SNX1: variants seen among roughly 807,000 people sequenced by gnomAD.
SNX1 encodes the protein sorting nexin-1.
Under a neutral mutation model 71.8 loss-of-function variants are expected in SNX1, and 36 were observed. That is an observed-to-expected ratio of 0.50 (90% CI 0.38 to 0.66). The LOEUF (loss-of-function observed/expected upper bound fraction) is 0.66. SNX1 is among the 30% of genes least tolerant of loss of function. The pLI, the probability that SNX1 is intolerant of heterozygous loss-of-function variation, is 0.00. For missense variants in SNX1, 612 were observed against 646.7 expected, an observed-to-expected ratio of 0.95 and a Z score of 0.58; for synonymous variants, 254 against 240.7, an observed-to-expected ratio of 1.06 and a Z score of -0.51.
chr15:64,118,140 G>C lies in SNX1; in HGVS notation c.295G>C (p.Asp99His). ...AGATGCCACAGTGGAGCTATCCTTG[G>C]ACAGCACACAAAATAATCAGAAGAA... ...FADATVELSL[D>H]STQNNQKKVL... The change falls in exon 3 of 15, where the codon GAC (aspartate) becomes CAC (histidine). Residue 99 changes from aspartate to histidine, a missense_variant. By Grantham distance (81) the Asp-to-His change is moderately conservative. This residue lies in a region of SNX1 where 316 missense variants were observed against 284.9 expected (regional missense o/e 1.11). Transcript: ENST00000559844. 6.2e-7 allele frequency: 1 copy of C among 1,612,690 alleles called. No homozygotes were observed. The highest frequency in any genetic ancestry group is 8.5e-7 in the Non-Finnish European group (1 of 1,179,658).
At chr15:64,100,604 CAAAAAAAAAAA>C (rs34663775) in intron 1 of SNX1, among the ~76,000 whole-genome samples, 1 of 102,590 alleles carries the variant, frequency 9.7e-6, no homozygotes, top group Non-Finnish European at 1.7e-5. Context: ...AACTCCATCT[CAAAAAAAAAAA>C]AAAAAAAAAA....
At position 64,137,619 on chromosome 15, in the gene SNX1, T is replaced by C; in HGVS notation, c.*1T>C. On this transcript the variant is annotated 3_prime_UTR_variant, in exon 15 of 15. Transcript: ENST00000559844. The stretch of plus-strand genomic sequence containing the variant: ...TCCTGAGGCAAAGGCCATCTCCTAA[T>C]GGACCAAGGACCCCAGAGCCCACCT... The C allele has an allele frequency of 6.2e-7, 1 of 1,614,194 alleles. No individual in the cohort carries two copies.
chr15:64,130,858 C>A (rs1486417200), intron 10 of SNX1, among the ~76,000 whole-genome samples: 1 of 152,238 alleles, frequency 6.6e-6, no homozygotes, highest in Non-Finnish European at 1.5e-5. Context: ...AAAGTATAAT[C>A]TGGCCCATGG....
In SNX1 at chr15:64,138,293, T is replaced by G; in HGVS notation, c.*675T>G. ...GAGCAAAATCTATTAAAACCTATTC[T>G]CCTGCAAAGGAGGCAGAGACTTTCT... is the stretch of plus-strand genomic sequence containing the variant. On this transcript the variant is annotated 3_prime_UTR_variant, in exon 15 of 15. Coordinates refer to ENST00000559844, the MANE Select transcript of SNX1 (RefSeq NM_003099.5). The G allele has an allele frequency of 9.2e-6, 10 of 1,087,246 alleles. No individual in the cohort carries two copies. Among genetic ancestry groups the G allele is most frequent in the African/African-American group, 1.6e-5 (1 of 60,820 alleles). 67.3% of individuals were successfully genotyped at this position (1,087,246 alleles called of 1,614,324 possible).
intron 1 of SNX1, among the ~76,000 whole-genome samples, chr15:64,100,627 GAGACTCAAAAAAA>G (rs1567315010): frequency 9.0e-6 from 1 of 111,576 alleles, no homozygotes. Flanking sequence ...AAAAAAAAAA[GAGACTCAAAAAAA>G]TTACTGAAAT....
chr15:64,115,519 T>C (rs1389324831), intron 2 of SNX1: 9 of 403,468 alleles, frequency 2.2e-5, no homozygotes, highest in Non-Finnish European at 3.8e-5. Flanking sequence ...TTTGGCATCT[T>C]TGTCACATGA....
intron 1 of SNX1, among the ~76,000 whole-genome samples, chr15:64,109,093 A>T (rs896801813): frequency 1.3e-5 from 2 of 149,284 alleles, no homozygotes; most frequent in Non-Finnish European, 3.0e-5. Flanking sequence ...GACCTAGGGT[A>T]GGCGCAGTGG....
In SNX1 at chr15:64,130,284, G is replaced by T; in HGVS notation, c.978G>T (p.Leu326=). ...GTGAGGAGCAGCGCTTACGGAAACT[G>T]CATGCTGTTGTAGAAACTCTAGTCA... ...VECEEQRLRK[L]HAVVETLVNH... The change falls in exon 10 of 15, where the codon CTG becomes CTT. Residue 326 remains leucine (L), a synonymous_variant. Transcript: ENST00000559844. 1 of 1,614,118 alleles carries T rather than the reference G, an allele frequency of 6.2e-7. No individual in the cohort carries two copies. Among genetic ancestry groups the T allele is most frequent in the Non-Finnish European group, 8.5e-7 (1 of 1,179,986 alleles).
chr15:64,132,895 A>G (rs147800028), intron 11 of SNX1, among the ~76,000 whole-genome samples: 116 of 152,308 alleles, frequency 7.6e-4, no homozygotes, highest in African/African-American at 2.6e-3. Flanking sequence ...TCTACCTGCT[A>G]TGTAATTCTT....
At chr15:64,100,163 A>G (rs531555484) in intron 1 of SNX1, among the ~76,000 whole-genome samples, 1 of 152,232 alleles carries the variant, frequency 6.6e-6, no homozygotes, top group South Asian at 2.1e-4. Context: ...GGGCATTGAT[A>G]CAACTGCTGC....
rs1567338652 is a variant in SNX1 at position 64,143,032 on chromosome 15, C to T, written c.*5414C>T. The T allele has an allele frequency of 5.1e-6, 1 of 194,190 alleles. No homozygotes were observed. The highest frequency in any genetic ancestry group is 1.1e-5 in the Non-Finnish European group (1 of 93,654). The allele number at this position is 194,190 out of a possible 1,614,324, so 12.0% of individuals were successfully genotyped here. A position where few individuals can be genotyped will look rare whatever the true frequency, so the allele number is the denominator to read the frequency against. On this transcript the variant is annotated 3_prime_UTR_variant, in exon 15 of 15. Transcript: ENST00000559844. ...GTCTTTTGCCGAGCACACTCAGGGC[C>T]CACGGGAAGCCCATAGACTTCAAGG...
At position 64,119,739 on chromosome 15, in the gene SNX1, C is replaced by A. The variant is rs367778837; in HGVS notation, c.466+885C>A. On this transcript the variant is annotated intron_variant, in intron 4 of 14. Coordinates refer to ENST00000559844, the MANE Select transcript of SNX1 (RefSeq NM_003099.5). ...ACTGTGTCTTAAAAAAAAAAAAAAA[C>A]ACACACACACACACAAAAAACATTA... Among the ~76,000 whole-genome samples the A allele has an allele frequency of 5.8e-3, 411 of 70,664 alleles. 1 individual carries two copies. Among genetic ancestry groups the A allele is most frequent in the African/African-American group, 0.011 (369 of 33,742 alleles). 46.4% of individuals were successfully genotyped at this position (70,664 alleles called of 152,430 possible).
intron 1 of SNX1, among the ~76,000 whole-genome samples, chr15:64,112,116 A>G (rs779147040): frequency 1.3e-5 from 2 of 152,248 alleles, no homozygotes. Context: ...ATGGGTCAGT[A>G]ATATCCACAC....
rs142002665 is a variant in SNX1, at chr15:64,130,440, C to T, written c.1015+119C>T. 1.4e-3 allele frequency: 1,101 copies of T among 806,030 alleles called. 6 individuals are homozygous for T. The African/African-American group carries it at 0.016, about 12-fold the overall frequency. 49.9% of individuals were successfully genotyped at this position (806,030 alleles called of 1,614,324 possible). ...ATCCAAGTTGAAATTCTCAGCCCAC[C>T]TGGTCCTTGATGTTCTGATAAAAAA... is the stretch of plus-strand genomic sequence containing the variant. On this transcript the variant is annotated intron_variant, in intron 10 of 14. Transcript: ENST00000559844.
chr15:64,133,405 G>A (rs2081326666), intron 11 of SNX1, among the ~76,000 whole-genome samples: 1 of 152,210 alleles, frequency 6.6e-6, no homozygotes, highest in South Asian at 2.1e-4. Context: ...TCAAGTTTTG[G>A]CAAAAGCCTG....
chr15:64,126,038 ATT>A, intron 5 of SNX1, 39 bp from the exon 6 acceptor site: 1 of 1,610,886 alleles, frequency 6.2e-7, no homozygotes, highest in Non-Finnish European at 8.5e-7. Context: ...ACCATCCCCT[ATT>A]TGGAATGAAA....
At chr15:64,096,322 C>T in intron 1 of SNX1, 150 bp downstream of exon 1, 1 of 957,114 alleles carries the variant, frequency 1.0e-6, no homozygotes, top group South Asian at 1.7e-5. Context: ...TGGATGTGCT[C>T]GAAGCGGTAG....
intron 13 of SNX1, 41 bp from the exon 14 acceptor site, chr15:64,136,820 A>G: frequency 1.3e-6 from 2 of 1,527,652 alleles, no homozygotes; most frequent in Middle Eastern, 1.7e-4. Context: ...TCGAAAGGGA[A>G]AGCAAAAACT....
intron 1 of SNX1, among the ~76,000 whole-genome samples, chr15:64,100,640 A>T (rs1056120245): frequency 6.6e-6 from 1 of 151,492 alleles, no homozygotes; most frequent in Non-Finnish European, 1.5e-5. Flanking sequence ...ACTCAAAAAA[A>T]TTACTGAAAT....
Sources: gnomAD v4.1 joint callset for allele counts (sites outside exome capture counted in the v4.1 genomes callset) on GRCh38, gnomAD v4.1.1 for gene constraint, gnomAD v4.1.1 regional missense constraint, MANE v1.5 for transcripts, NCBI Gene and HGNC (gene_info 2026-07-23, HGNC 2026-07-21) for gene names.